The following KCNIP4 variants were observed in gnomAD, a reference collection of about 807,000 sequenced individuals.
KCNIP4 encodes potassium voltage-gated channel interacting protein 4.
A neutral mutation model predicts 34.0 loss-of-function variants in KCNIP4; 12 were observed. The observed-to-expected ratio is 0.35, with a 90% CI of 0.23 to 0.57. The LOEUF is 0.57. Among genes scored for constraint, KCNIP4 ranks in the 20% least tolerant of loss-of-function variants. The pLI, the probability that KCNIP4 is intolerant of heterozygous loss-of-function variation, is 0.83. For synonymous variants in KCNIP4, 124 were observed against 102.2 expected, an observed-to-expected ratio of 1.21 and a Z score of -1.29; for missense variants, 238 against 311.7, an observed-to-expected ratio of 0.76 and a Z score of 1.78.
At chr4:21,133,757 C>G (rs1030020736) in intron 1 of KCNIP4, among the ~76,000 whole-genome samples, 5 of 152,156 alleles carry the variant, frequency 3.3e-5, no homozygotes, top group African/African-American at 1.2e-4. Flanking sequence ...CAGTGAAACT[C>G]ATGAGATTTT....
intron 1 of KCNIP4, among the ~76,000 whole-genome samples, chr4:21,445,236 G>A (rs1727872394): frequency 2.0e-5 from 3 of 152,128 alleles, no homozygotes; most frequent in African/African-American, 7.2e-5. Context: ...TCCCCATCAA[G>A]CTACCAATGA....
At chr4:20,746,832 G>T (rs144840395) in intron 5 of KCNIP4, among the ~76,000 whole-genome samples, 3 of 152,118 alleles carry the variant, frequency 2.0e-5, no homozygotes, top group African/African-American at 7.2e-5. Context: ...AAATTAAGTG[G>T]AAAACTCCCA....
At chr4:21,831,071 A>G (rs1722956847) in intron 1 of KCNIP4, among the ~76,000 whole-genome samples, 1 of 152,200 alleles carries the variant, frequency 6.6e-6, no homozygotes, top group African/African-American at 2.4e-5. Context: ...GGTCAAATAA[A>G]AAACTAAAAG....
At chr4:20,771,220 G>A (rs1755848478) in intron 3 of KCNIP4, among the ~76,000 whole-genome samples, 1 of 151,962 alleles carries the variant, frequency 6.6e-6, no homozygotes, top group Non-Finnish European at 1.5e-5. Flanking sequence ...TATATACATG[G>A]TTGTATAAAG....
At chr4:21,502,588 C>T (rs112390323) in intron 1 of KCNIP4, among the ~76,000 whole-genome samples, 43 of 152,214 alleles carry the variant, frequency 2.8e-4, no homozygotes, top group African/African-American at 9.6e-4. Flanking sequence ...TCCCTGAATA[C>T]ACGACACTCC....
At chr4:21,422,354 C>A (rs571256635) in intron 1 of KCNIP4, among the ~76,000 whole-genome samples, 10 of 152,208 alleles carry the variant, frequency 6.6e-5, no homozygotes, top group South Asian at 4.1e-4. Flanking sequence ...GTGCCTGCAA[C>A]TATGCCTGGC....
chr4:21,413,906 C>G (rs552250623), intron 1 of KCNIP4, among the ~76,000 whole-genome samples: 2 of 152,180 alleles, frequency 1.3e-5, no homozygotes, highest in Admixed American at 1.3e-4. Context: ...TTAACCAAGT[C>G]CCATTACACT....
chr4:21,728,311 A>G (rs767671697), intron 1 of KCNIP4, among the ~76,000 whole-genome samples: 20 of 152,126 alleles, frequency 1.3e-4, no homozygotes, highest in Non-Finnish European at 2.6e-4. Flanking sequence ...CCAGGTGCTC[A>G]GGTTAAGTCA....
chr4:21,364,501 T>C (rs565300656), intron 1 of KCNIP4, among the ~76,000 whole-genome samples: 40 of 152,078 alleles, frequency 2.6e-4, no homozygotes, highest in Non-Finnish European at 4.6e-4. Context: ...AATAAACATG[T>C]GTTGGATGAA....
At position 20,884,357 on chromosome 4, in the gene KCNIP4, G is replaced by T. The variant is rs993984904; in HGVS notation, c.62-1648C>A. ...GCTCCGCATGTATGTGTAGAGTGGG[G>T]TGACAAAATGTTATAAATGTCCTTA... On this transcript the variant is annotated intron_variant, in intron 1 of 8. Coordinates refer to ENST00000382152, the MANE Select transcript of KCNIP4 (RefSeq NM_025221.6). Among the ~76,000 whole-genome samples, 25 of 152,096 alleles carry T rather than the reference G, an allele frequency of 1.6e-4. 1 individual carries two copies. The highest frequency in any genetic ancestry group is 1.4e-3 in the Admixed American group (22 of 15,268).
chr4:20,735,258 C>T (rs1447911398), intron 5 of KCNIP4, among the ~76,000 whole-genome samples: 1 of 152,154 alleles, frequency 6.6e-6, no homozygotes, highest in Non-Finnish European at 1.5e-5. Context: ...ATTCACCCTC[C>T]AGCTATATTA....
At chr4:21,554,799 C>G (rs1185120678) in intron 1 of KCNIP4, among the ~76,000 whole-genome samples, 1 of 152,114 alleles carries the variant, frequency 6.6e-6, no homozygotes, top group Non-Finnish European at 1.5e-5. Flanking sequence ...AGCCTTCCTC[C>G]TTTTCTGACT....
At chr4:21,444,807 A>C (rs1727828371) in intron 1 of KCNIP4, among the ~76,000 whole-genome samples, 1 of 152,220 alleles carries the variant, frequency 6.6e-6, no homozygotes, top group Non-Finnish European at 1.5e-5. Flanking sequence ...AATAAAGGAC[A>C]TTCAATTAGG....
chr4:21,145,097 G>A (rs1752254725), intron 1 of KCNIP4, among the ~76,000 whole-genome samples: 1 of 152,044 alleles, frequency 6.6e-6, no homozygotes, highest in Admixed American at 6.6e-5. Flanking sequence ...ATCTCTGATG[G>A]CAATTTACCA....
chr4:21,354,165 G>A (rs1248446698), intron 1 of KCNIP4, among the ~76,000 whole-genome samples: 1 of 152,072 alleles, frequency 6.6e-6, no homozygotes, highest in Non-Finnish European at 1.5e-5. Context: ...ACAGGGAAAG[G>A]AACAACTGGT....
intron 1 of KCNIP4, among the ~76,000 whole-genome samples, chr4:21,153,509 G>A (rs1233669254): frequency 1.5e-5 from 1 of 67,638 alleles, no homozygotes; most frequent in East Asian, 3.5e-4. Flanking sequence ...ATATATATGT[G>A]TGTGTGTATA....
At chr4:21,678,141 CCAGA>C (rs1750053375) in intron 1 of KCNIP4, among the ~76,000 whole-genome samples, 1 of 152,172 alleles carries the variant, frequency 6.6e-6, no homozygotes, top group African/African-American at 2.4e-5. Flanking sequence ...GCTTTGTGGG[CCAGA>C]CAGTTTCTGT....
At chr4:21,270,005 T>TTTGAATTTA (rs1396845423) in intron 1 of KCNIP4, among the ~76,000 whole-genome samples, 1 of 152,200 alleles carries the variant, frequency 6.6e-6, no homozygotes, top group Non-Finnish European at 1.5e-5. Context: ...GCAAAGCCCA[T>TTTGAATTTA]TTGAATTTAT....
At chr4:20,917,686 T>C (rs150331795) in intron 1 of KCNIP4, among the ~76,000 whole-genome samples, 42 of 152,188 alleles carry the variant, frequency 2.8e-4, no homozygotes, top group African/African-American at 8.9e-4. Flanking sequence ...CAGGGCTGAG[T>C]AGGTTACTCT....
Sources: gnomAD v4.1 joint callset for allele counts (sites outside exome capture counted in the v4.1 genomes callset) on GRCh38, gnomAD v4.1.1 for gene constraint, MANE v1.5 for transcripts, NCBI Gene and HGNC (gene_info 2026-07-23, HGNC 2026-07-21) for gene names.